MAP4K4: variants seen among roughly 807,000 people sequenced by gnomAD.
MAP4K4 encodes the protein mitogen-activated protein kinase kinase kinase kinase 4.
In MAP4K4, 38 loss-of-function variants were observed where a neutral mutation model predicts 189.6. The ratio of observed to expected loss-of-function variants is 0.20; its 90% CI spans 0.15 to 0.26. The LOEUF (loss-of-function observed/expected upper bound fraction) is 0.26, where lower values mean the gene tolerates loss of function less well. Ranked by LOEUF, MAP4K4 falls within the 10% of genes least tolerant of loss-of-function variation. MAP4K4 has a pLI of 1.00. For missense variants in MAP4K4, 1,054 were observed against 1,726.9 expected, an observed-to-expected ratio of 0.61 and a Z score of 6.91; for synonymous variants, 610 against 624.3, an observed-to-expected ratio of 0.98 and a Z score of 0.34.
chr2:101,705,446 A>T (rs1180629902), intron 2 of MAP4K4, among the ~76,000 whole-genome samples: 1 of 152,216 alleles, frequency 6.6e-6, no homozygotes, highest in African/African-American at 2.4e-5. Flanking sequence ...GAAACAGCAC[A>T]TACTGCAATG....
chr2:101,814,902 A>G (rs1216956991), intron 3 of MAP4K4, among the ~76,000 whole-genome samples: 1 of 152,212 alleles, frequency 6.6e-6, no homozygotes, highest in African/African-American at 2.4e-5. Flanking sequence ...CATGAAACAT[A>G]TCAGAAATTG....
chr2:101,850,670 C>T (rs945223606), intron 12 of MAP4K4, among the ~76,000 whole-genome samples: 1 of 152,290 alleles, frequency 6.6e-6, no homozygotes, highest in Non-Finnish European at 1.5e-5. Context: ...ACAGCTAAGG[C>T]CTTGCTTCCT....
At chr2:101,847,702 GA>G (rs1409499835) in intron 12 of MAP4K4, among the ~76,000 whole-genome samples, 1 of 152,072 alleles carries the variant, frequency 6.6e-6, no homozygotes, top group Non-Finnish European at 1.5e-5. Context: ...GTTAAAGTAA[GA>G]AAAAATTACA....
chr2:101,763,172 A>G (rs1256722936), intron 2 of MAP4K4, among the ~76,000 whole-genome samples: 1 of 152,212 alleles, frequency 6.6e-6, no homozygotes, highest in African/African-American at 2.4e-5. Flanking sequence ...CTTCCAGGAA[A>G]GAATCCTGTG....
intron 2 of MAP4K4, among the ~76,000 whole-genome samples, chr2:101,781,834 T>C (rs938423336): frequency 3.9e-5 from 6 of 152,170 alleles, no homozygotes; most frequent in Non-Finnish European, 7.3e-5. Context: ...TTCTCTAACA[T>C]AGAGGTGATT....
chr2:101,893,206 A>G (rs1046492107), exon 33 of MAP4K4: 1 of 456,330 alleles, frequency 2.2e-6, no homozygotes, highest in African/African-American at 2.0e-5. Context: ...AGACAAGTAC[A>G]TCCACTCATG....
chr2:101,752,837 G>A lies in MAP4K4; in HGVS notation c.124-37883G>A, dbSNP rs1248942076. On this transcript the variant is annotated intron_variant, in intron 2 of 32. Coordinates refer to ENST00000324219, the Ensembl canonical transcript of MAP4K4. ...CACATCATTATTGCTACTGGCCACTGTCCACGTCTGTGTATGAAACCGTGT... is the reference window on the plus strand; with the variant it reads ...CACATCATTATTGCTACTGGCCACTATCCACGTCTGTGTATGAAACCGTGT... Among the ~76,000 whole-genome samples the A allele has an allele frequency of 2.6e-5, 4 of 152,290 alleles. No homozygotes were observed. The East Asian group carries it at 7.7e-4, about 29-fold the overall frequency.
At chr2:101,871,533 A>G in exon 24 of MAP4K4, 1 of 1,536,036 alleles carries the variant, frequency 6.5e-7, no homozygotes, top group East Asian at 2.4e-5. Context: ...TCATGAGAGC[A>G]ATGGCTTTGC....
At chr2:101,783,993 G>T (rs2089228099) in intron 2 of MAP4K4, among the ~76,000 whole-genome samples, 1 of 152,126 alleles carries the variant, frequency 6.6e-6, no homozygotes, top group Non-Finnish European at 1.5e-5. Context: ...ACTCAAACCT[G>T]TCCCCTTCTG....
Position 101,825,315 on chromosome 2 carries a change from A to G in MAP4K4, c.307-4A>G, listed in dbSNP as rs757753051. ...GCTCACCTTGTGTCTTGTCTGCCCT[A>G]TAGCTTGTTATGGAGTTCTGTGGGG... On this transcript the variant is annotated splice_polypyrimidine_tract_variant and splice_region_variant and intron_variant, in intron 4 of 32. Transcript: ENST00000324219. 10 of 1,597,780 alleles carry G rather than the reference A, an allele frequency of 6.3e-6. No individual in the cohort carries two copies. The highest frequency in any genetic ancestry group is 3.3e-5 in the South Asian group (3 of 90,352).
At position 101,798,919 on chromosome 2, in the gene MAP4K4, TCTTA is replaced by T. The variant is rs546801115; in HGVS notation, c.180+8151_180+8154del. Among the ~76,000 whole-genome samples the T allele has an allele frequency of 3.4e-4, 52 of 152,370 alleles. 1 individual carries two copies. In the South Asian group the frequency reaches 9.9e-3, roughly 29 times the overall value. On this transcript the variant is annotated intron_variant, in intron 3 of 32. Coordinates refer to ENST00000324219, the Ensembl canonical transcript of MAP4K4. Reference sequence around the variant, plus strand: ...ATTAATCATAAATAACAGCAAGACCTCTTACTTACTTTCACACTTAAATTTCATC... The same window carrying T: ...ATTAATCATAAATAACAGCAAGACCTCTTACTTTCACACTTAAATTTCATC...
intron 2 of MAP4K4, among the ~76,000 whole-genome samples, chr2:101,743,744 TC>T (rs1341912980): frequency 7.9e-5 from 12 of 152,052 alleles, no homozygotes; most frequent in Admixed American, 3.3e-4. Context: ...TGCAACCTCT[TC>T]CTTCCAGGTT....
At chr2:101,810,426 T>A (rs2095345797) in intron 3 of MAP4K4, among the ~76,000 whole-genome samples, 1 of 152,200 alleles carries the variant, frequency 6.6e-6, no homozygotes. Flanking sequence ...AATATATAAG[T>A]AACATCATTA....
intron 22 of MAP4K4, 36 bp from the exon 23 acceptor site, chr2:101,870,259 A>G: frequency 6.2e-7 from 1 of 1,606,136 alleles, no homozygotes; most frequent in African/African-American, 1.3e-5. Flanking sequence ...GACTCCAGAG[A>G]TTAAGGCCTT....
chr2:101,854,706 G>A (rs1353662528), intron 12 of MAP4K4, among the ~76,000 whole-genome samples: 2 of 152,182 alleles, frequency 1.3e-5, no homozygotes, highest in Non-Finnish European at 1.5e-5. Context: ...TGTACTTTGT[G>A]TATCCATTAT....
chr2:101,807,041 CTT>C (rs72332487), intron 3 of MAP4K4, among the ~76,000 whole-genome samples: 3 of 141,310 alleles, frequency 2.1e-5, no homozygotes, highest in Admixed American at 7.1e-5. Context: ...TTTTACCCTT[CTT>C]TTTTTTTTTT....
At chr2:101,821,261 A>C (rs1312100021) in intron 3 of MAP4K4, among the ~76,000 whole-genome samples, 3 of 152,218 alleles carry the variant, frequency 2.0e-5, no homozygotes, top group Non-Finnish European at 4.4e-5. Context: ...TGTCAAAGTC[A>C]CATGACAAGT....
intron 13 of MAP4K4, among the ~76,000 whole-genome samples, chr2:101,856,447 AATGCTGTAGACCCCAAAT>A (rs1209147998): frequency 6.6e-6 from 1 of 152,164 alleles, no homozygotes; most frequent in Non-Finnish European, 1.5e-5. Flanking sequence ...GCTTGGCTTA[AATGCTGTAGACCCCAAAT>A]ATATGGGTGA....
At chr2:101,737,139 A>G (rs1184879277) in intron 2 of MAP4K4, among the ~76,000 whole-genome samples, 1 of 152,014 alleles carries the variant, frequency 6.6e-6, no homozygotes, top group Non-Finnish European at 1.5e-5. Context: ...CACCTGGGAG[A>G]GCTGCCATTC....
Sources: allele counts gnomAD v4.1 joint callset (sites outside exome capture counted in the v4.1 genomes callset), GRCh38; gene constraint gnomAD v4.1.1; transcripts MANE v1.5; gene names NCBI Gene and HGNC (gene_info 2026-07-23, HGNC 2026-07-21).